KANK4: variants seen among roughly 807,000 people sequenced by gnomAD.
KANK4 encodes KN motif and ankyrin repeat domain-containing protein 4.
In KANK4, 50 loss-of-function variants were observed where a neutral mutation model predicts 80.8. The observed-to-expected ratio is 0.62, with a 90% CI of 0.49 to 0.78. The LOEUF is 0.78. KANK4 is among the 30% of genes least tolerant of loss of function. The probability of loss-of-function intolerance (pLI) is 0.00; values close to 1 mark genes in which losing one functional copy is unlikely to be tolerated. For missense variants in KANK4, 1,196 were observed against 1,240.1 expected, an observed-to-expected ratio of 0.96 and a Z score of 0.53; for synonymous variants, 465 against 506.9, an observed-to-expected ratio of 0.92 and a Z score of 1.11.
At chr1:62,309,099 T>C (rs1264569394) in intron 1 of KANK4, among the ~76,000 whole-genome samples, 1 of 152,220 alleles carries the variant, frequency 6.6e-6, no homozygotes, top group Non-Finnish European at 1.5e-5. Context: ...TGTGTGTATG[T>C]CTCACCGTTC....
rs556583725 is a variant in KANK4 at position 62,258,042 on chromosome 1, T to C, written c.2540-4833A>G. On this transcript the variant is annotated intron_variant, in intron 7 of 9. Coordinates refer to ENST00000371153, the MANE Select transcript of KANK4 (RefSeq NM_181712.5). ...CCAAAGTCTCAGTGTCCCAGAAGCA[T>C]AGATAGGGTAGTAGAAAAAGCCCAG... is the stretch of plus-strand genomic sequence containing the variant. 7.9e-5 allele frequency among the ~76,000 whole-genome samples: 12 copies of C among 152,282 alleles called. No homozygotes were observed. The South Asian group carries it at 2.3e-3, about 29-fold the overall frequency.
chr1:62,276,210 G>A (rs1013301243), intron 2 of KANK4, among the ~76,000 whole-genome samples: 6 of 152,118 alleles, frequency 3.9e-5, no homozygotes, highest in Admixed American at 1.3e-4. Flanking sequence ...CATCCATAGG[G>A]GCCTGTTGCC....
chr1:62,316,257 G>A (rs1054537193), intron 1 of KANK4, among the ~76,000 whole-genome samples: 3 of 152,238 alleles, frequency 2.0e-5, no homozygotes, highest in African/African-American at 7.2e-5. Flanking sequence ...TGCAGGCAAA[G>A]GGCGGTGAAC....
At chr1:62,246,230 A>G (rs137886069) in intron 9 of KANK4, among the ~76,000 whole-genome samples, 9 of 152,300 alleles carry the variant, frequency 5.9e-5, no homozygotes, top group Non-Finnish European at 1.3e-4. Flanking sequence ...CATTGCCGTC[A>G]CCTTACGAGG....
chr1:62,266,751 G>T lies in KANK4; in HGVS notation c.2300C>A (p.Thr767Asn). 6.2e-7 allele frequency: 1 copy of T among 1,610,330 alleles called. No individual in the cohort carries two copies. The highest frequency in any genetic ancestry group is 1.3e-5 in the African/African-American group (1 of 74,976). ...ALSQHLPETG[T>N]TTDQLLRQSL... Reference sequence around the variant, plus strand: ...GAGTACCAAGAGCTGGTCTGTGGTGGTCCCAGTTTCTGGCAGATGCTGGCT... The same window carrying T: ...GAGTACCAAGAGCTGGTCTGTGGTGTTCCCAGTTTCTGGCAGATGCTGGCT... Residue 767 changes from threonine to asparagine, a missense_variant, in exon 6 of 10, where the codon ACC (threonine) becomes AAC (asparagine). Transcript: ENST00000371153.
intron 1 of KANK4, among the ~76,000 whole-genome samples, chr1:62,316,601 G>A (rs542294549): frequency 6.6e-6 from 1 of 152,210 alleles, no homozygotes; most frequent in South Asian, 2.1e-4. Context: ...GGTTAATGGA[G>A]CAGGGAGGTG....
chr1:62,258,290 G>C (rs1245654422), intron 7 of KANK4, among the ~76,000 whole-genome samples: 1 of 152,216 alleles, frequency 6.6e-6, no homozygotes, highest in Non-Finnish European at 1.5e-5. Context: ...AGCAGTAGCT[G>C]CTTTATTCAC....
At chr1:62,292,471 T>C (rs953447034) in intron 1 of KANK4, among the ~76,000 whole-genome samples, 2 of 152,174 alleles carry the variant, frequency 1.3e-5, no homozygotes, top group African/African-American at 4.8e-5. Context: ...GTTCAAATCC[T>C]ACCCATTCCT....
chr1:62,269,517 C>G (rs1029756143), intron 4 of KANK4, among the ~76,000 whole-genome samples: 1 of 152,186 alleles, frequency 6.6e-6, no homozygotes, highest in African/African-American at 2.4e-5. Context: ...TATGGAACAG[C>G]CTTTCATGTT....
chr1:62,239,530 T>C (rs942601806), intron 9 of KANK4, among the ~76,000 whole-genome samples: 1 of 152,144 alleles, frequency 6.6e-6, no homozygotes, highest in Non-Finnish European at 1.5e-5. Context: ...TTATTATTAT[T>C]ATACTTTAAG....
At chr1:62,246,138 T>C (rs1175798245) in intron 9 of KANK4, among the ~76,000 whole-genome samples, 1 of 152,202 alleles carries the variant, frequency 6.6e-6, no homozygotes, top group Non-Finnish European at 1.5e-5. Context: ...GGCAAATGCT[T>C]AGTACAGTAC....
intron 2 of KANK4, among the ~76,000 whole-genome samples, chr1:62,280,427 G>A (rs1419637908): frequency 6.6e-6 from 1 of 152,186 alleles, no homozygotes; most frequent in African/African-American, 2.4e-5. Flanking sequence ...CCACTGCCAG[G>A]GATGCACTGA....
intron 1 of KANK4, among the ~76,000 whole-genome samples, chr1:62,295,161 T>A (rs1433187609): frequency 6.6e-6 from 1 of 150,912 alleles, no homozygotes; most frequent in Non-Finnish European, 1.5e-5. Flanking sequence ...TTTTTTGAGA[T>A]GGAATTTTGC....
intron 9 of KANK4, among the ~76,000 whole-genome samples, chr1:62,238,839 A>G (rs1485793471): frequency 6.6e-6 from 1 of 152,120 alleles, no homozygotes; most frequent in African/African-American, 2.4e-5. Flanking sequence ...CATGTTGCCC[A>G]GGCTGGTCTC....
chr1:62,271,729 T>C (rs1458721720), intron 3 of KANK4, 140 bp from the exon 4 acceptor site: 2 of 628,082 alleles, frequency 3.2e-6, no homozygotes, highest in Non-Finnish European at 2.9e-6. Context: ...ATCATGTAAA[T>C]CAATGTTTTG....
intron 7 of KANK4, among the ~76,000 whole-genome samples, chr1:62,254,730 T>A (rs1425169669): frequency 1.3e-5 from 2 of 151,278 alleles, no homozygotes; most frequent in Non-Finnish European, 2.9e-5. Context: ...ATTTTTTATT[T>A]TTTTTTAATG....
At chr1:62,255,142 C>A (rs1388450455) in intron 7 of KANK4, among the ~76,000 whole-genome samples, 3 of 152,042 alleles carry the variant, frequency 2.0e-5, no homozygotes, top group Non-Finnish European at 4.4e-5. Flanking sequence ...ACCTCAGCCT[C>A]CCAAAGTGCT....
chr1:62,283,856 G>T (rs1256907946), intron 1 of KANK4, among the ~76,000 whole-genome samples: 1 of 152,284 alleles, frequency 6.6e-6, no homozygotes, highest in East Asian at 1.9e-4. Context: ...TGATTTTAAA[G>T]AATTATTCAG....
chr1:62,317,123 G>A lies in KANK4; in HGVS notation c.-71+1983C>T, dbSNP rs557225260. ...TTGAAGGTGCTCATTGCAAGGGGCC[G>A]GGAAAGTGTTAGAGCCAGAAGTGAG... On this transcript the variant is annotated intron_variant, in intron 1 of 9. Transcript: ENST00000371153. 1.8e-4 allele frequency among the ~76,000 whole-genome samples: 28 copies of A among 152,244 alleles called. No individual in the cohort carries two copies. In the East Asian group the frequency reaches 5.0e-3, roughly 27 times the overall value.
Sources: allele counts gnomAD v4.1 joint callset (sites outside exome capture counted in the v4.1 genomes callset), GRCh38; gene constraint gnomAD v4.1.1; transcripts MANE v1.5; gene names NCBI Gene and HGNC (gene_info 2026-07-23, HGNC 2026-07-21).